CSMD2: variants seen among roughly 807,000 people sequenced by gnomAD.
CSMD2 encodes CUB and sushi domain-containing protein 2.
In CSMD2, 130 loss-of-function variants were observed where a neutral mutation model predicts 398.5. The ratio of observed to expected loss-of-function variants is 0.33; its 90% CI spans 0.28 to 0.38. The LOEUF is 0.38. Ranked by LOEUF, CSMD2 falls within the 10% of genes least tolerant of loss-of-function variation. CSMD2 has a pLI of 1.00. For missense variants in CSMD2, 3,829 were observed against 4,764.9 expected, an observed-to-expected ratio of 0.80 and a Z score of 5.78; for synonymous variants, 1,828 against 1,908.5, an observed-to-expected ratio of 0.96 and a Z score of 1.10.
intron 2 of CSMD2, among the ~76,000 whole-genome samples, chr1:34,084,745 G>A (rs2148350589): frequency 6.6e-6 from 1 of 152,088 alleles, no homozygotes; most frequent in Admixed American, 6.5e-5. Flanking sequence ...TGCTGGAGAG[G>A]ATGTGGAGAA....
chr1:33,530,012 G>A (rs1052072461), intron 64 of CSMD2, among the ~76,000 whole-genome samples: 1 of 152,132 alleles, frequency 6.6e-6, no homozygotes, highest in Non-Finnish European at 1.5e-5. Context: ...AAAAAGTGCT[G>A]AGCACCATTA....
intron 11 of CSMD2, among the ~76,000 whole-genome samples, chr1:33,790,655 T>TTGTC (rs375434735): frequency 0.029 from 3,653 of 124,662 alleles, 65 homozygotes; most frequent in South Asian, 0.096. Context: ...TATTTGCTGT[T>TTGTC]TGTCTGTCTA....
chr1:33,606,521 G>A (rs1306280042), intron 41 of CSMD2, among the ~76,000 whole-genome samples: 1 of 152,220 alleles, frequency 6.6e-6, no homozygotes, highest in Non-Finnish European at 1.5e-5. Context: ...GCCAAAAACT[G>A]AGCAACCACA....
rs1339621969 is a variant in CSMD2 at position 33,725,490 on chromosome 1, G to T, written c.2554C>A (p.Arg852=). 1 of 1,614,060 alleles carries T rather than the reference G, an allele frequency of 6.2e-7. No individual in the cohort carries two copies. Among genetic ancestry groups the T allele is most frequent in the African/African-American group, 1.3e-5 (1 of 74,912 alleles). The change falls in exon 17 of 71, where the codon CGG becomes AGG. Residue 852 remains arginine, a synonymous_variant. Coordinates refer to ENST00000373381, the MANE Select transcript of CSMD2 (RefSeq NM_001281956.2). ...NYDTLEVRDG[R]TYSAPLIGVY... ...CCGATCAAGGGCGCTGAGTAAGTCC[G>T]CCCATCGCGTACTTCCAGGGTGTCA...
intron 3 of CSMD2, among the ~76,000 whole-genome samples, chr1:33,966,539 T>A (rs1256940739): frequency 1.3e-5 from 2 of 152,198 alleles, no homozygotes; most frequent in Admixed American, 6.5e-5. Context: ...GATAAGAATC[T>A]TCATTTTATT....
intron 3 of CSMD2, among the ~76,000 whole-genome samples, chr1:33,992,908 T>C (rs1193952630): frequency 2.0e-5 from 3 of 149,848 alleles, no homozygotes; most frequent in African/African-American, 4.9e-5. Context: ...AGATAACTCA[T>C]GGCACAGAGA....
chr1:33,787,565 A>T (rs1446461533), intron 12 of CSMD2, among the ~76,000 whole-genome samples: 1 of 152,198 alleles, frequency 6.6e-6, no homozygotes, highest in Non-Finnish European at 1.5e-5. Context: ...CTGTCCAGGC[A>T]GCTCTTTTGC....
At chr1:33,545,939 T>C in intron 57 of CSMD2, 98 bp downstream of exon 57, 1 of 1,233,546 alleles carries the variant, frequency 8.1e-7, no homozygotes, top group East Asian at 2.4e-5. Flanking sequence ...GGGCCACGGT[T>C]TTTTTCTGTG....
chr1:33,531,611 T>A (rs981057683), intron 64 of CSMD2, among the ~76,000 whole-genome samples: 5 of 152,184 alleles, frequency 3.3e-5, no homozygotes, highest in African/African-American at 7.2e-5. Flanking sequence ...GTGATGTCCA[T>A]ATGATGAGAT....
At chr1:33,917,248 T>C (rs1283221821) in intron 5 of CSMD2, among the ~76,000 whole-genome samples, 1 of 152,192 alleles carries the variant, frequency 6.6e-6, no homozygotes, top group East Asian at 1.9e-4. Context: ...ATGCAGCAAC[T>C]AAGGCTCCAA....
rs373311431 is a variant in CSMD2, at chr1:33,576,898, T to C, written c.7576+398A>G. 5.3e-5 allele frequency among the ~76,000 whole-genome samples: 8 copies of C among 152,160 alleles called. No homozygotes were observed. In the South Asian group the frequency reaches 1.5e-3, roughly 28 times the overall value. On this transcript the variant is annotated intron_variant, in intron 49 of 70. Coordinates refer to ENST00000373381, the MANE Select transcript of CSMD2 (RefSeq NM_001281956.2). ...TCATAAAATCATAAATCATAAAAGG[T>C]AATGCATGCAAATTGACTGACACAT...
At chr1:33,871,490 G>C (rs563116706) in intron 5 of CSMD2, among the ~76,000 whole-genome samples, 183 of 152,302 alleles carry the variant, frequency 1.2e-3, no homozygotes, top group African/African-American at 4.2e-3. Flanking sequence ...AAATTTATTT[G>C]ACAGTTACCA....
intron 15 of CSMD2, among the ~76,000 whole-genome samples, chr1:33,727,378 A>G (rs1255072500): frequency 2.0e-5 from 3 of 152,052 alleles, no homozygotes; most frequent in Admixed American, 1.3e-4. Flanking sequence ...CACATGTCCC[A>G]TCCTGGGCTT....
intron 1 of CSMD2, among the ~76,000 whole-genome samples, chr1:34,092,598 C>A (rs1000258729): frequency 6.6e-6 from 1 of 151,548 alleles, no homozygotes; most frequent in African/African-American, 2.4e-5. Flanking sequence ...TCACTCGGGA[C>A]GTGCAAGGGG....
chr1:33,579,745 C>A (rs1179517325), intron 48 of CSMD2, among the ~76,000 whole-genome samples: 1 of 150,538 alleles, frequency 6.6e-6, no homozygotes, highest in Non-Finnish European at 1.5e-5. Context: ...GTAGCGTGAT[C>A]TCGGCTCACT....
intron 27 of CSMD2, among the ~76,000 whole-genome samples, chr1:33,653,887 G>T (rs373149556): frequency 1.5e-4 from 23 of 152,272 alleles, no homozygotes; most frequent in South Asian, 2.1e-4. Flanking sequence ...GAGTCTTTGT[G>T]GGGGGAGCAA....
At chr1:33,802,764 G>A (rs1031660052) in intron 10 of CSMD2, among the ~76,000 whole-genome samples, 3 of 152,048 alleles carry the variant, frequency 2.0e-5, no homozygotes, top group Non-Finnish European at 2.9e-5. Context: ...TCTCAATCCC[G>A]TGGCCCTCTC....
rs751613689 is a variant in CSMD2, at chr1:33,559,495, G to A, written c.8381-22C>T. 6.5e-7 allele frequency: 1 copy of A among 1,535,116 alleles called. No individual in the cohort carries two copies. The highest frequency in any genetic ancestry group is 2.4e-5 in the East Asian group (1 of 40,914). On this transcript the variant is annotated intron_variant, in intron 53 of 70. Transcript: ENST00000373381. The surrounding 1 kb of genome is among the most constrained non-coding windows in gnomAD (Gnocchi z 4.0). ...ATTGCTGTAACCAAAACAGAAGATA[G>A]GTAAGCCCTCCTACTATTCCACACC...
At chr1:33,613,137 A>G (rs965029223) in intron 40 of CSMD2, among the ~76,000 whole-genome samples, 3 of 152,240 alleles carry the variant, frequency 2.0e-5, no homozygotes, top group African/African-American at 7.2e-5. Flanking sequence ...GGACCTCGGC[A>G]GAATCCAACA....
Sources: gnomAD v4.1 joint callset for allele counts (sites outside exome capture counted in the v4.1 genomes callset) on GRCh38, gnomAD v4.1.1 for gene constraint, Gnocchi (gnomAD v3.1) non-coding constraint, MANE v1.5 for transcripts, NCBI Gene and HGNC (gene_info 2026-07-23, HGNC 2026-07-21) for gene names.